Variants in PRKCH observed in about 807,000 individuals in gnomAD.
PRKCH encodes the protein protein kinase C eta type.
Under a neutral mutation model 82.5 loss-of-function variants are expected in PRKCH, and 28 were observed. The observed-to-expected ratio is 0.34, with a 90% CI of 0.25 to 0.47. PRKCH has a LOEUF of 0.47. PRKCH is among the 20% of genes least tolerant of loss of function. The pLI is 1.00. For missense variants in PRKCH, 705 were observed against 881.8 expected (o/e 0.80, Z 2.54); for synonymous variants, 322 against 327.4 (o/e 0.98, Z 0.18).
intron 9 of PRKCH, chr14:61,463,395 A>G (rs1189655489): frequency 1.3e-5 from 2 of 152,202 alleles, no homozygotes; most frequent in Admixed American, 1.3e-4. Flanking sequence ...TTCTTGGCAA[A>G]AAGGAAATAG....
chr14:61,234,418 C>T (rs1353259227), intron 1 of PRKCH, among the ~76,000 whole-genome samples: 2 of 152,132 alleles, frequency 1.3e-5, no homozygotes, highest in Non-Finnish European at 2.9e-5. Context: ...GTCATCCCGG[C>T]ATCCCTCCTT....
chr14:61,287,204 TAAAAAAAAAAAAAAAAA>T (rs35045657), intron 1 of PRKCH, among the ~76,000 whole-genome samples: 5 of 57,928 alleles, frequency 8.6e-5, no homozygotes, highest in Admixed American at 2.6e-4. Flanking sequence ...GACTCCGTCT[TAAAAAAAAAAAAAAAAA>T]AAAAAAAAAA....
intron 1 of PRKCH, among the ~76,000 whole-genome samples, chr14:61,221,724 C>T (rs1302506913): frequency 5.3e-5 from 8 of 152,112 alleles, no homozygotes; most frequent in Non-Finnish European, 1.2e-4. Flanking sequence ...GGAAGGGTGA[C>T]ATCCTCCACC....
At chr14:61,287,738 G>A (rs146399236) in intron 1 of PRKCH, among the ~76,000 whole-genome samples, 41 of 151,978 alleles carry the variant, frequency 2.7e-4, no homozygotes, top group African/African-American at 4.6e-4. Flanking sequence ...AACTGAATTA[G>A]ACTGCCCAGT....
At chr14:61,539,433 C>T (rs967916709) in intron 12 of PRKCH, among the ~76,000 whole-genome samples, 5 of 152,202 alleles carry the variant, frequency 3.3e-5, no homozygotes, top group East Asian at 1.9e-4. Flanking sequence ...TGAGTTTCAT[C>T]GAGAGAAAAT....
chr14:61,273,923 T>C (rs2045179930), intron 1 of PRKCH, among the ~76,000 whole-genome samples: 1 of 152,234 alleles, frequency 6.6e-6, no homozygotes, highest in Non-Finnish European at 1.5e-5. Context: ...GGACCCATCA[T>C]GTGCTGGTTA....
intron 1 of PRKCH, among the ~76,000 whole-genome samples, chr14:61,308,883 C>A (rs1471425188): frequency 6.6e-6 from 1 of 151,918 alleles, no homozygotes; most frequent in Non-Finnish European, 1.5e-5. Context: ...CCAGCGTCAG[C>A]CTCCCACAAT....
chr14:61,386,131 A>G (rs528182049), intron 1 of PRKCH, among the ~76,000 whole-genome samples: 18 of 152,326 alleles, frequency 1.2e-4, no homozygotes, highest in African/African-American at 4.3e-4. Flanking sequence ...CTCAGAATAA[A>G]TGAAATAACA....
chr14:61,397,778 A>G (rs1032979926), intron 2 of PRKCH, among the ~76,000 whole-genome samples: 4 of 152,202 alleles, frequency 2.6e-5, no homozygotes, highest in African/African-American at 9.7e-5. Context: ...TAATGTTTGC[A>G]TTGGTGGTAA....
intron 1 of PRKCH, among the ~76,000 whole-genome samples, chr14:61,224,844 T>A (rs1468085724): frequency 6.6e-6 from 1 of 152,178 alleles, no homozygotes; most frequent in African/African-American, 2.4e-5. Flanking sequence ...CTCAAGAGTG[T>A]CTACGGTGTT....
At chr14:61,269,251 AATG>A (rs1242634772) in intron 1 of PRKCH, among the ~76,000 whole-genome samples, 2 of 152,242 alleles carry the variant, frequency 1.3e-5, no homozygotes, top group African/African-American at 2.4e-5. Flanking sequence ...AATAAAAATT[AATG>A]ATAAATTTTT....
Position 61,249,436 on chromosome 14 carries a change from T to TA in PRKCH, c.-19+61775dup, listed in dbSNP as rs35366221. Among the ~76,000 whole-genome samples, 12 of 144,280 alleles carry TA rather than the reference T, an allele frequency of 8.3e-5. No individual in the cohort carries two copies. In the Admixed American group the frequency reaches 8.8e-4, roughly 11 times the overall value. 94.7% of individuals were successfully genotyped at this position (144,280 alleles called of 152,430 possible). ...CACTCACTTTGGCAGCACATATACT[T>TA]AAAAAAACATTGGAGTCATACAGAG... is the stretch of plus-strand genomic sequence containing the variant. On this transcript the variant is annotated intron_variant, in intron 1 of 3. Coordinates refer to the PRKCH transcript ENST00000555185.
At chr14:61,327,350 C>T (rs1422885852) in intron 1 of PRKCH, among the ~76,000 whole-genome samples, 2 of 152,028 alleles carry the variant, frequency 1.3e-5, no homozygotes, top group South Asian at 2.1e-4. Context: ...TTTGTAGTGC[C>T]GTTGTTTATT....
intron 12 of PRKCH, among the ~76,000 whole-genome samples, chr14:61,533,223 T>A (rs955578677): frequency 6.6e-6 from 1 of 152,148 alleles, no homozygotes; most frequent in Non-Finnish European, 1.5e-5. Context: ...ATTCTGTTTT[T>A]TCCTCCTTCA....
chr14:61,416,213 G>A (rs1215555691), intron 2 of PRKCH, among the ~76,000 whole-genome samples: 1 of 151,734 alleles, frequency 6.6e-6, no homozygotes, highest in African/African-American at 2.4e-5. Context: ...GCACCACCAA[G>A]CCCAGCTAAT....
chr14:61,366,350 A>G (rs1222801857), intron 1 of PRKCH, among the ~76,000 whole-genome samples: 4 of 152,146 alleles, frequency 2.6e-5, no homozygotes, highest in Non-Finnish European at 5.9e-5. Flanking sequence ...AAGCAATTAG[A>G]CACATTATTA....
At chr14:61,273,376 C>T (rs748969885) in intron 1 of PRKCH, among the ~76,000 whole-genome samples, 1 of 152,190 alleles carries the variant, frequency 6.6e-6, no homozygotes, top group South Asian at 2.1e-4. Flanking sequence ...GGATACTTCT[C>T]TGCAAATACT....
At chr14:61,487,955 C>A (rs1391603524) in intron 10 of PRKCH, among the ~76,000 whole-genome samples, 5 of 152,076 alleles carry the variant, frequency 3.3e-5, no homozygotes, top group African/African-American at 1.2e-4. Context: ...AGATCGAGAC[C>A]ATCCTGGCTA....
At chr14:61,296,725 C>T (rs774160060) in intron 1 of PRKCH, among the ~76,000 whole-genome samples, 9 of 152,120 alleles carry the variant, frequency 5.9e-5, no homozygotes, top group Non-Finnish European at 1.0e-4. Flanking sequence ...AAAAACTATC[C>T]TAAACATATT....
Sources: allele counts gnomAD v4.1 joint callset (sites outside exome capture counted in the v4.1 genomes callset), GRCh38; gene constraint gnomAD v4.1.1; transcripts MANE v1.5; gene names NCBI Gene and HGNC (gene_info 2026-07-23, HGNC 2026-07-21).